The following ADGRL2 variants were observed in gnomAD, a reference collection of about 807,000 sequenced individuals.
The protein encoded by ADGRL2 is adhesion G protein-coupled receptor L2.
In ADGRL2, 44 loss-of-function variants were observed where a neutral mutation model predicts 157.4. That is an observed-to-expected ratio of 0.28 (90% CI 0.22 to 0.36). The LOEUF (loss-of-function observed/expected upper bound fraction) is 0.36, where lower values mean the gene tolerates loss of function less well. ADGRL2 is among the 10% of genes least tolerant of loss of function. The probability of loss-of-function intolerance (pLI) is 1.00; values close to 1 mark genes in which losing one functional copy is unlikely to be tolerated. For missense variants in ADGRL2, 1,510 were observed against 1,768.9 expected, an observed-to-expected ratio of 0.85 and a Z score of 2.63; for synonymous variants, 585 against 624.7, an observed-to-expected ratio of 0.94 and a Z score of 0.95.
Position 81,566,849 on chromosome 1 carries a change from G to A in ADGRL2, c.-247-14027G>A, listed in dbSNP as rs6670663. Among the ~76,000 whole-genome samples, 1,137 of 151,996 alleles carry A rather than the reference G, an allele frequency of 7.5e-3. 21 individuals carry two copies. Among genetic ancestry groups the A allele is most frequent in the African/African-American group, 0.026 (1,081 of 41,470 alleles). ...TTTATTTATTCTGAAAATATTTCTC[G>A]ATATTTCAGTTTGAAGAAATTTCAT... On this transcript the variant is annotated intron_variant, in intron 2 of 24. Coordinates refer to the ADGRL2 transcript ENST00000370721.
intron 1 of ADGRL2, among the ~76,000 whole-genome samples, chr1:81,706,547 C>T (rs2083744557): frequency 6.6e-6 from 1 of 152,160 alleles, no homozygotes; most frequent in African/African-American, 2.4e-5. Flanking sequence ...GGGCTAACAG[C>T]AGAGCTGTGG....
chr1:81,734,671 C>A (rs1182119916), intron 1 of ADGRL2, among the ~76,000 whole-genome samples: 3 of 148,158 alleles, frequency 2.0e-5, no homozygotes, highest in African/African-American at 4.9e-5. Flanking sequence ...GACCTCCATG[C>A]ACAAGGCATT....
chr1:81,657,444 C>T (rs1374496076), intron 3 of ADGRL2, among the ~76,000 whole-genome samples: 1 of 152,140 alleles, frequency 6.6e-6, no homozygotes, highest in African/African-American at 2.4e-5. Context: ...TTATAAATTA[C>T]CCAGTCTAAG....
chr1:81,734,832 A>C (rs12134001), intron 1 of ADGRL2, among the ~76,000 whole-genome samples: 1 of 146,946 alleles, frequency 6.8e-6, no homozygotes, highest in Admixed American at 6.7e-5. Context: ...TCGGGAGTTC[A>C]AGACCAGACT....
At chr1:81,445,850 AG>A (rs2077587767) in intron 2 of ADGRL2, among the ~76,000 whole-genome samples, 1 of 152,246 alleles carries the variant, frequency 6.6e-6, no homozygotes, top group Non-Finnish European at 1.5e-5. Context: ...GTTGTGGCAT[AG>A]CATAAACAAA....
chr1:81,722,762 A>T, intron 1 of ADGRL2: 1 of 795,596 alleles, frequency 1.3e-6, no homozygotes, highest in Non-Finnish European at 2.2e-6. Context: ...GCTCAAGAAG[A>T]GCATGAGAGA....
rs2076400327 is a variant in ADGRL2, at chr1:81,384,474, A to G, written c.-301-60562A>G. ...TAGAAAGGAGTGGGTATGTGAAGGT[A>G]GGAAAAAATATTTCTACTTTTCTCT... On this transcript the variant is annotated intron_variant, in intron 1 of 24. Coordinates refer to the ADGRL2 transcript ENST00000370721. Among the ~76,000 whole-genome samples, 5 of 152,188 alleles carry G rather than the reference A, an allele frequency of 3.3e-5. No homozygotes were observed. The South Asian group carries it at 1.0e-3, about 32-fold the overall frequency.
intron 1 of ADGRL2, among the ~76,000 whole-genome samples, chr1:81,402,085 A>T (rs2076766717): frequency 2.2e-5 from 1 of 46,208 alleles, no homozygotes; most frequent in African/African-American, 3.2e-5. Context: ...TCCTTTTAAA[A>T]CAGGTAGCAA....
At chr1:81,951,216 T>G in intron 8 of ADGRL2, 95 bp downstream of exon 8, 1 of 815,828 alleles carries the variant, frequency 1.2e-6, no homozygotes, top group Non-Finnish European at 2.1e-6. Context: ...CCAGCTTTAT[T>G]GCTCTTTGTT....
rs1445660625 is a variant in ADGRL2 at position 81,986,828 on chromosome 1, A to G, written c.3509-73A>G. 6.1e-5 allele frequency: 90 copies of G among 1,485,020 alleles called. 1 individual carries two copies. Among genetic ancestry groups the G allele is most frequent in the South Asian group, 5.8e-4 (47 of 81,624 alleles). The allele number at this position is 1,485,020 out of a possible 1,614,324, so 92.0% of individuals were successfully genotyped here. A position where few individuals can be genotyped will look rare whatever the true frequency, so the allele number is the denominator to read the frequency against. On this transcript the variant is annotated intron_variant, in intron 21 of 23. Transcript: ENST00000686636. The stretch of plus-strand genomic sequence containing the variant: ...ATGAATATAAAAAAAATAGTTGACT[A>G]CAACTGTAACACTAAAATAAGAAAC...
At chr1:81,427,263 A>G (rs990445641) in intron 1 of ADGRL2, 6 of 747,794 alleles carry the variant, frequency 8.0e-6, no homozygotes, top group African/African-American at 6.8e-5. Flanking sequence ...AATAGTTATG[A>G]AGGAGGTGAT....
intron 2 of ADGRL2, among the ~76,000 whole-genome samples, chr1:81,554,658 AAG>A (rs1160983410): frequency 1.3e-5 from 2 of 152,126 alleles, no homozygotes; most frequent in African/African-American, 4.8e-5. Flanking sequence ...GCTTTTAGTC[AAG>A]AAATATAAAG....
At chr1:81,645,198 T>C (rs2082289618) in intron 3 of ADGRL2, among the ~76,000 whole-genome samples, 1 of 151,880 alleles carries the variant, frequency 6.6e-6, no homozygotes, top group South Asian at 2.1e-4. Flanking sequence ...AAGACCAGCC[T>C]GGGCAACATA....
chr1:81,335,945 G>C (rs188553112), intron 1 of ADGRL2, among the ~76,000 whole-genome samples: 1 of 151,938 alleles, frequency 6.6e-6, no homozygotes, highest in Admixed American at 6.6e-5. Flanking sequence ...TCAATCAATA[G>C]CACCATTAGC....
At chr1:81,343,728 T>G (rs1285404545) in intron 1 of ADGRL2, among the ~76,000 whole-genome samples, 1 of 150,906 alleles carries the variant, frequency 6.6e-6, no homozygotes, top group African/African-American at 2.4e-5. Context: ...GAGAAAGAGA[T>G]TGTGACAGAG....
chr1:81,382,744 T>A (rs1181304124), intron 1 of ADGRL2, among the ~76,000 whole-genome samples: 1 of 152,166 alleles, frequency 6.6e-6, no homozygotes, highest in Non-Finnish European at 1.5e-5. Flanking sequence ...TTGATACAAT[T>A]GGTCTTATCT....
chr1:81,830,534 G>A (rs1225491916), intron 1 of ADGRL2, among the ~76,000 whole-genome samples: 1 of 152,034 alleles, frequency 6.6e-6, no homozygotes, highest in African/African-American at 2.4e-5. Context: ...TTGAGATGGA[G>A]TCTCGCTCTG....
At chr1:81,675,222 TG>T (rs1421237326) in intron 3 of ADGRL2, among the ~76,000 whole-genome samples, 3 of 152,196 alleles carry the variant, frequency 2.0e-5, no homozygotes, top group Non-Finnish European at 4.4e-5. Flanking sequence ...TAAAAGCCTA[TG>T]GTGCTGTTAG....
At chr1:81,585,994 C>A (rs1464838768) in intron 3 of ADGRL2, 5 of 151,506 alleles carry the variant, frequency 3.3e-5, no homozygotes, top group Non-Finnish European at 7.4e-5. Context: ...AGAGGATGAG[C>A]AAAAAGGTCA....
Sources: allele counts gnomAD v4.1 joint callset (sites outside exome capture counted in the v4.1 genomes callset), GRCh38; gene constraint gnomAD v4.1.1; transcripts MANE v1.5; gene names NCBI Gene and HGNC (gene_info 2026-07-23, HGNC 2026-07-21).